GABRG3: variants seen among roughly 807,000 people sequenced by gnomAD.
The protein encoded by GABRG3 is gamma-aminobutyric acid receptor subunit gamma-3.
Under a neutral mutation model 48.8 loss-of-function variants are expected in GABRG3, and 25 were observed. That is an observed-to-expected ratio of 0.51 (90% CI 0.37 to 0.72). The LOEUF (loss-of-function observed/expected upper bound fraction) is 0.72. Ranked by LOEUF, GABRG3 falls within the 30% of genes least tolerant of loss-of-function variation. The pLI is 0.00. For synonymous variants in GABRG3, 227 were observed against 217.6 expected, an observed-to-expected ratio of 1.04 and a Z score of -0.38; for missense variants, 394 against 577.9, an observed-to-expected ratio of 0.68 and a Z score of 3.26.
chr15:27,481,020 T>C (rs1890089339), intron 6 of GABRG3: 1 of 1,330,600 alleles, frequency 7.5e-7, no homozygotes, highest in Admixed American at 3.3e-5. Context: ...ATAATGTCTA[T>C]AAACCTAGCT....
intron 2 of GABRG3, among the ~76,000 whole-genome samples, chr15:27,009,850 T>G (rs1453523312): frequency 1.3e-5 from 2 of 152,152 alleles, no homozygotes; most frequent in Admixed American, 6.5e-5. Context: ...TTCTTCTTCC[T>G]CTTCCTCTTC....
chr15:27,397,828 G>A (rs1315511892), intron 5 of GABRG3, among the ~76,000 whole-genome samples: 12 of 140,816 alleles, frequency 8.5e-5, no homozygotes, highest in African/African-American at 2.9e-4. Context: ...TTTTTGAGAC[G>A]GAGTCTCGCT....
intron 3 of GABRG3, among the ~76,000 whole-genome samples, chr15:27,089,240 C>T (rs1359024548): frequency 6.6e-6 from 1 of 152,166 alleles, no homozygotes; most frequent in Non-Finnish European, 1.5e-5. Flanking sequence ...GGGGAATCAG[C>T]TGCGGAATCC....
intron 5 of GABRG3, among the ~76,000 whole-genome samples, chr15:27,346,066 AGAGAGAG>A (rs368348091): frequency 0.98 from 98,894 of 101,198 alleles, 48,345 homozygotes; most frequent in South Asian, 0.99. Context: ...AAANNAAAAA[AGAGAGAG>A]AAAGAAGAGA....
chr15:27,478,945 C>CAA, intron 5 of GABRG3, among the ~76,000 whole-genome samples: 1 of 151,896 alleles, frequency 6.6e-6, no homozygotes, highest in Admixed American at 6.5e-5. Context: ...CAGAATAGAC[C>CAA]AAACTATAGT....
intron 3 of GABRG3, among the ~76,000 whole-genome samples, chr15:27,049,578 C>A (rs913432046): frequency 9.2e-5 from 14 of 152,192 alleles, no homozygotes; most frequent in African/African-American, 3.4e-4. Context: ...ATAAGGCAAA[C>A]CCGGGCTCAA....
At chr15:27,091,894 A>G (rs969449727) in intron 3 of GABRG3, among the ~76,000 whole-genome samples, 1 of 152,186 alleles carries the variant, frequency 6.6e-6, no homozygotes, top group Non-Finnish European at 1.5e-5. Context: ...TTCAGTGGCA[A>G]ACATTCCTTG....
chr15:27,467,990 T>C (rs939364626), intron 5 of GABRG3, among the ~76,000 whole-genome samples: 4 of 152,136 alleles, frequency 2.6e-5, no homozygotes, highest in Non-Finnish European at 5.9e-5. Context: ...ATGCAAATCG[T>C]CCCCTTCTCC....
At chr15:27,485,249 C>A (rs908085079) in intron 6 of GABRG3, among the ~76,000 whole-genome samples, 1 of 151,994 alleles carries the variant, frequency 6.6e-6, no homozygotes, top group East Asian at 1.9e-4. Flanking sequence ...CTTGGGTTGG[C>A]GCATCAGTGA....
chr15:27,351,676 G>T (rs1894607098), intron 5 of GABRG3, among the ~76,000 whole-genome samples: 1 of 149,914 alleles, frequency 6.7e-6, no homozygotes, highest in Admixed American at 6.6e-5. Context: ...ATTTGTGTGT[G>T]TTTGTGTGTA....
chr15:27,444,113 T>C (rs2140635429), intron 5 of GABRG3, among the ~76,000 whole-genome samples: 1 of 152,300 alleles, frequency 6.6e-6, no homozygotes, highest in African/African-American at 2.4e-5. Context: ...CTCACAAAAT[T>C]TGTTGGAAAC....
chr15:27,064,559 T>G (rs1424909140), intron 3 of GABRG3, among the ~76,000 whole-genome samples: 1 of 152,132 alleles, frequency 6.6e-6, no homozygotes, highest in Admixed American at 6.5e-5. Context: ...GCCTCTTTGT[T>G]TGCTGTCCTC....
intron 3 of GABRG3, among the ~76,000 whole-genome samples, chr15:27,308,447 A>G (rs553883874): frequency 7.0e-6 from 1 of 142,554 alleles, no homozygotes; most frequent in East Asian, 2.1e-4. Flanking sequence ...TTATATAAAC[A>G]TATGCAAACA....
At position 27,024,941 on chromosome 15, in the gene GABRG3, G is replaced by A. The variant is rs183101102; in HGVS notation, c.203-1813G>A. On this transcript the variant is annotated intron_variant, in intron 2 of 9. Transcript: ENST00000615808. Reference sequence around the variant, plus strand: ...TTTGGGAGGCTGAGTCAGGAGAATCGCTTGAACCGGGAGGCAGAGGTTGCC... The same window carrying A: ...TTTGGGAGGCTGAGTCAGGAGAATCACTTGAACCGGGAGGCAGAGGTTGCC... Among the ~76,000 whole-genome samples, 56 of 148,194 alleles carry A rather than the reference G, an allele frequency of 3.8e-4. No individual in the cohort carries two copies. In the East Asian group the frequency reaches 8.2e-3, roughly 22 times the overall value.
Position 27,127,891 on chromosome 15 carries a change from A to C in GABRG3, c.270+101070A>C, listed in dbSNP as rs538794311. On this transcript the variant is annotated intron_variant, in intron 3 of 9. Transcript: ENST00000615808. Reference sequence around the variant, plus strand: ...CCCCACTGGTAGGTGTGGAGGGTGGAGATGAGCCTGGACAGCTGCTCTGTC... The same window carrying C: ...CCCCACTGGTAGGTGTGGAGGGTGGCGATGAGCCTGGACAGCTGCTCTGTC... Among the ~76,000 whole-genome samples, 6 of 152,268 alleles carry C rather than the reference A, an allele frequency of 3.9e-5. 1 individual carries two copies. The South Asian group carries it at 1.0e-3, about 26-fold the overall frequency.
chr15:27,505,767 C>G (rs1890745341), intron 6 of GABRG3, among the ~76,000 whole-genome samples: 1 of 152,036 alleles, frequency 6.6e-6, no homozygotes, highest in South Asian at 2.1e-4. Context: ...CTATTAAGGC[C>G]TAATAGAGTA....
chr15:27,397,744 T>G (rs1887351894), intron 5 of GABRG3, among the ~76,000 whole-genome samples: 1 of 152,154 alleles, frequency 6.6e-6, no homozygotes, highest in African/African-American at 2.4e-5. Flanking sequence ...TTTCTTGGTG[T>G]TTATGGTATC....
intron 3 of GABRG3, among the ~76,000 whole-genome samples, chr15:27,086,866 G>A (rs1897085683): frequency 6.6e-6 from 1 of 152,184 alleles, no homozygotes; most frequent in South Asian, 2.1e-4. Flanking sequence ...CTTGCCTTCA[G>A]GTCGTCCTTG....
chr15:27,419,963 A>G (rs1451779625), intron 5 of GABRG3, among the ~76,000 whole-genome samples: 5 of 152,302 alleles, frequency 3.3e-5, no homozygotes, highest in Admixed American at 3.3e-4. Context: ...TGATTTTTTA[A>G]AAAAAATCAT....
Sources: gnomAD v4.1 joint callset for allele counts (sites outside exome capture counted in the v4.1 genomes callset) on GRCh38, gnomAD v4.1.1 for gene constraint, MANE v1.5 for transcripts, NCBI Gene and HGNC (gene_info 2026-07-23, HGNC 2026-07-21) for gene names.